CDH22: variants seen among roughly 807,000 people sequenced by gnomAD.
CDH22 encodes cadherin 22, also known as cadherin-22.
CDH22 carries 30 observed loss-of-function variants against 58.4 expected under a neutral mutation model. That is an observed-to-expected ratio of 0.51 (90% confidence interval 0.38 to 0.70). The LOEUF is 0.70. CDH22 is among the 30% of genes least tolerant of loss of function. CDH22 has a pLI of 0.00. For synonymous variants in CDH22, 513 were observed against 558.2 expected (o/e 0.92, Z 1.14); for missense variants, 1,014 against 1,233.9 (o/e 0.82, Z 2.67).
chr20:46,305,394 G>C (rs943176186), intron 1 of CDH22, among the ~76,000 whole-genome samples: 2 of 152,180 alleles, frequency 1.3e-5, no homozygotes, highest in Non-Finnish European at 2.9e-5. Flanking sequence ...CCACTCTTGC[G>C]GGGGGCATGA....
At chr20:46,302,523 T>C (rs1166861238) in intron 1 of CDH22, among the ~76,000 whole-genome samples, 1 of 152,178 alleles carries the variant, frequency 6.6e-6, no homozygotes, top group Non-Finnish European at 1.5e-5. Context: ...GTTCAAAATA[T>C]AGACAGGAGT....
At chr20:46,240,437 C>G (rs1223968983) in intron 3 of CDH22, among the ~76,000 whole-genome samples, 1 of 151,986 alleles carries the variant, frequency 6.6e-6, no homozygotes, top group Non-Finnish European at 1.5e-5. Flanking sequence ...GAAGATGGGA[C>G]TATGTCTGTG....
chr20:46,288,769 G>A (rs2086587255), intron 1 of CDH22, among the ~76,000 whole-genome samples: 1 of 152,132 alleles, frequency 6.6e-6, no homozygotes, highest in Non-Finnish European at 1.5e-5. Context: ...AATCTTGCCA[G>A]CTCTACCTTA....
At chr20:46,294,717 G>C (rs529147614) in intron 1 of CDH22, among the ~76,000 whole-genome samples, 1 of 152,280 alleles carries the variant, frequency 6.6e-6, no homozygotes, top group South Asian at 2.1e-4. Flanking sequence ...GTAGGTGGGG[G>C]CTTGGGAGAA....
chr20:46,282,198 T>G (rs984042154), intron 1 of CDH22, among the ~76,000 whole-genome samples: 20 of 152,124 alleles, frequency 1.3e-4, no homozygotes, highest in Admixed American at 2.0e-4. Context: ...AGAATGGTGG[T>G]AGAACAGGAT....
intron 1 of CDH22, among the ~76,000 whole-genome samples, chr20:46,278,110 G>C (rs1042445700): frequency 6.6e-6 from 1 of 152,172 alleles, no homozygotes; most frequent in Non-Finnish European, 1.5e-5. Context: ...GGTGATCAAG[G>C]GGTGGGGGCC....
At chr20:46,304,742 A>T (rs2086666811) in intron 1 of CDH22, among the ~76,000 whole-genome samples, 1 of 152,232 alleles carries the variant, frequency 6.6e-6, no homozygotes, top group South Asian at 2.1e-4. Context: ...GTGTGTGCCC[A>T]TTGTAAGAGA....
intron 11 of CDH22, among the ~76,000 whole-genome samples, chr20:46,177,451 A>T (rs1012111916): frequency 1.3e-5 from 2 of 152,258 alleles, no homozygotes; most frequent in Admixed American, 1.3e-4. Flanking sequence ...TTAGATTCAT[A>T]GCAGGTGGTG....
Position 46,174,634 on chromosome 20 carries a change from A to C in CDH22, c.2359T>G (p.Ser787Ala), listed in dbSNP as rs770272021. The C allele has an allele frequency of 2.6e-6, 4 of 1,551,204 alleles. No homozygotes were observed. The highest frequency in any genetic ancestry group is 3.5e-6 in the Non-Finnish European group (4 of 1,153,960). ...GADSPAASLS[S>A]LHSGSSGSEQ... Reference sequence around the variant, plus strand: ...GAGCCCGACGAGCCGCTGTGCAGGGAGCTGAGCGAGGCGGCCGGCGAGTCC... The same window carrying C: ...GAGCCCGACGAGCCGCTGTGCAGGGCGCTGAGCGAGGCGGCCGGCGAGTCC... The change falls in exon 12 of 12, where the codon TCC (serine) becomes GCC (alanine). Residue 787 changes from serine to alanine, a missense_variant. Physicochemically the swap from Ser to Ala is moderately conservative, Grantham distance 99. Transcript: ENST00000537909. The surrounding 1 kb of genome is among the most constrained non-coding windows in gnomAD (Gnocchi z 4.4).
chr20:46,181,756 T>TTCCTTCCTTCCTTCGTTCC (rs1410990843), intron 10 of CDH22, among the ~76,000 whole-genome samples: 2 of 27,682 alleles, frequency 7.2e-5, no homozygotes, highest in African/African-American at 3.1e-4. Flanking sequence ...TCCTTCCTTC[T>TTCCTTCCTTCCTTCGTTCC]TTCTTTCTTT....
chr20:46,206,780 G>A (rs2086004584), intron 7 of CDH22, among the ~76,000 whole-genome samples: 1 of 152,178 alleles, frequency 6.6e-6, no homozygotes, highest in Non-Finnish European at 1.5e-5. Context: ...TGCAGGAGAA[G>A]GCAAACTCCA....
At chr20:46,175,729 C>T (rs1042174299) in intron 11 of CDH22, among the ~76,000 whole-genome samples, 8 of 152,206 alleles carry the variant, frequency 5.3e-5, no homozygotes, top group African/African-American at 1.9e-4. Context: ...GTTAGAAATG[C>T]AGACCCTTGG....
intron 7 of CDH22, among the ~76,000 whole-genome samples, chr20:46,201,800 C>T (rs886317242): frequency 8.5e-5 from 13 of 152,150 alleles, no homozygotes; most frequent in African/African-American, 2.9e-4. Flanking sequence ...ACCTTGAGTC[C>T]CGCTAGCCTG....
At chr20:46,244,751 T>C (rs1450376085) in intron 2 of CDH22, among the ~76,000 whole-genome samples, 1 of 152,198 alleles carries the variant, frequency 6.6e-6, no homozygotes, top group Non-Finnish European at 1.5e-5. Flanking sequence ...AGTGGGTTAC[T>C]GGGTGGCCAC....
chr20:46,253,971 AC>A (rs1441847331), intron 1 of CDH22, among the ~76,000 whole-genome samples: 1 of 152,118 alleles, frequency 6.6e-6, no homozygotes, highest in Non-Finnish European at 1.5e-5. Context: ...TGTTTCTAAC[AC>A]CTTTGACAAG....
intron 3 of CDH22, among the ~76,000 whole-genome samples, chr20:46,231,816 A>G (rs2086222193): frequency 6.6e-6 from 1 of 152,196 alleles, no homozygotes; most frequent in South Asian, 2.1e-4. Context: ...AGGTCCTACC[A>G]CTTCCTCACT....
At chr20:46,224,731 A>T (rs930128393) in intron 4 of CDH22, among the ~76,000 whole-genome samples, 6 of 151,824 alleles carry the variant, frequency 4.0e-5, no homozygotes, top group Non-Finnish European at 7.4e-5. Flanking sequence ...TCCTCCCCCA[A>T]CCTAGTCCTG....
intron 1 of CDH22, among the ~76,000 whole-genome samples, chr20:46,254,185 A>G (rs893073221): frequency 1.3e-5 from 2 of 151,972 alleles, no homozygotes; most frequent in African/African-American, 4.8e-5. Flanking sequence ...TTATTCCTTC[A>G]CTCTTTCCAC....
intron 2 of CDH22, among the ~76,000 whole-genome samples, chr20:46,243,757 T>C (rs1230350016): frequency 2.0e-5 from 3 of 152,210 alleles, no homozygotes; most frequent in Non-Finnish European, 2.9e-5. Context: ...TCTGCTTATT[T>C]CATCAGCAAA....
Sources: allele counts gnomAD v4.1 joint callset (sites outside exome capture counted in the v4.1 genomes callset), GRCh38; gene constraint gnomAD v4.1.1; non-coding constraint Gnocchi (gnomAD v3.1); transcripts MANE v1.5; gene names NCBI Gene and HGNC (gene_info 2026-07-23, HGNC 2026-07-21).